The following NAA11 variants were observed in gnomAD, a reference collection of about 807,000 sequenced individuals.
NAA11 encodes N-alpha-acetyltransferase 11, NatA catalytic subunit.
A neutral mutation model predicts 16.1 loss-of-function variants in NAA11; 15 were observed. The observed-to-expected ratio is 0.93, with a 90% CI of 0.62 to 1.44. NAA11 has a LOEUF of 1.44. Among genes scored for constraint, NAA11 ranks in the 40% most tolerant of loss-of-function variants. The probability of loss-of-function intolerance (pLI) is 0.00; values close to 1 mark genes in which losing one functional copy is unlikely to be tolerated. For missense variants in NAA11, 298 were observed against 291.3 expected (o/e 1.02, Z -0.17); for synonymous variants, 122 against 112.4 (o/e 1.09, Z -0.54).
chr4:79,287,689 AAGAGGGAGAGAG>A (rs1722973807), intron 2 of NAA11, among the ~76,000 whole-genome samples: 1 of 151,050 alleles, frequency 6.6e-6, no homozygotes, highest in African/African-American at 2.4e-5. Flanking sequence ...GAGTGAGAGA[AAGAGGGAGAGAG>A]AGAGAGAGAG....
chr4:79,289,886 A>G (rs1723040715), intron 2 of NAA11, among the ~76,000 whole-genome samples: 1 of 152,092 alleles, frequency 6.6e-6, no homozygotes, highest in African/African-American at 2.4e-5. Flanking sequence ...TAGGTCTCTC[A>G]TTTCTCAAAC....
At chr4:79,171,604 A>G in the NAA11 span, among the ~76,000 whole-genome samples, 1 of 152,212 alleles carries the variant, frequency 6.6e-6, no homozygotes, top group African/African-American at 2.4e-5. Context: ...ACAGGTGCTG[A>G]AGCATCTCAT....
At chr4:79,302,930 T>C (rs1478293275) in intron 1 of NAA11, among the ~76,000 whole-genome samples, 3 of 151,808 alleles carry the variant, frequency 2.0e-5, no homozygotes, top group Non-Finnish European at 4.4e-5. Context: ...AATAAAATTC[T>C]ATTTTGTTTG....
At chr4:79,306,867 G>T (rs1354653320) in intron 1 of NAA11, 2 of 152,116 alleles carry the variant, frequency 1.3e-5, no homozygotes, top group South Asian at 4.1e-4. Flanking sequence ...AGCATATTTT[G>T]TTACCTCATC....
downstream of NAA11, among the ~76,000 whole-genome samples, chr4:79,312,630 G>C (rs1723806377): frequency 1.5e-5 from 2 of 131,702 alleles, no homozygotes; most frequent in South Asian, 5.2e-4. Context: ...GGGTGTGACA[G>C]AGAGAGACTC....
At chr4:79,309,187 TAAC>T (rs1031260637) in intron 1 of NAA11, among the ~76,000 whole-genome samples, 6 of 152,244 alleles carry the variant, frequency 3.9e-5, no homozygotes, top group Non-Finnish European at 8.8e-5. Flanking sequence ...CTCGGGCTGT[TAAC>T]TACCAAACTA....
At chr4:79,159,898 C>T in the NAA11 span, among the ~76,000 whole-genome samples, 1 of 151,544 alleles carries the variant, frequency 6.6e-6, no homozygotes, top group Non-Finnish European at 1.5e-5. Context: ...TCTTTTATTG[C>T]CAAATACTAT....
At chr4:79,190,667 T>C in the NAA11 span, among the ~76,000 whole-genome samples, 1 of 152,054 alleles carries the variant, frequency 6.6e-6, no homozygotes, top group Non-Finnish European at 1.5e-5. Flanking sequence ...TTTTTTTAAA[T>C]TTTTTAAGTT....
At chr4:79,212,570 A>C in the NAA11 span, among the ~76,000 whole-genome samples, 1 of 152,040 alleles carries the variant, frequency 6.6e-6, no homozygotes, top group Non-Finnish European at 1.5e-5. Context: ...ATCTTCCTTG[A>C]ACACAGTAGT....
intron 2 of NAA11, among the ~76,000 whole-genome samples, chr4:79,253,554 TGA>T (rs200536439): frequency 1.3e-5 from 2 of 151,126 alleles, no homozygotes; most frequent in African/African-American, 2.4e-5. Context: ...AAAGAAGTGA[TGA>T]GAGAGAGAGA....
chr4:79,311,189 C>A (rs1174956617), intron 1 of NAA11, among the ~76,000 whole-genome samples: 2 of 152,006 alleles, frequency 1.3e-5, no homozygotes, highest in African/African-American at 2.4e-5. Context: ...AAAACTGACC[C>A]AAATGTCTTT....
chr4:79,256,079 C>G (rs986542367), intron 2 of NAA11, among the ~76,000 whole-genome samples: 1 of 152,122 alleles, frequency 6.6e-6, no homozygotes, highest in Non-Finnish European at 1.5e-5. Context: ...GCCCCACCTC[C>G]GGAGTTGAGT....
At chr4:79,200,175 G>C in the NAA11 span, among the ~76,000 whole-genome samples, 2 of 151,796 alleles carry the variant, frequency 1.3e-5, no homozygotes, top group Non-Finnish European at 2.9e-5. Flanking sequence ...TGGGACCTCT[G>C]TGCCTCAGTT....
At chr4:79,220,044 C>T in the NAA11 span, among the ~76,000 whole-genome samples, 1 of 152,182 alleles carries the variant, frequency 6.6e-6, no homozygotes, top group African/African-American at 2.4e-5. Context: ...CCCAAGAAGC[C>T]TAGGAGTAAG....
intron 2 of NAA11, among the ~76,000 whole-genome samples, chr4:79,283,229 A>G (rs1722835240): frequency 6.6e-6 from 1 of 152,080 alleles, no homozygotes; most frequent in South Asian, 2.1e-4. Flanking sequence ...TTCACTGTGA[A>G]GGGTGTAGTA....
At chr4:79,295,157 G>A (rs1053224202) in intron 1 of NAA11, among the ~76,000 whole-genome samples, 1 of 152,192 alleles carries the variant, frequency 6.6e-6, no homozygotes, top group Non-Finnish European at 1.5e-5. Context: ...TCACTGTAAA[G>A]CAAAGAGGCA....
chr4:79,320,130 C>A (rs1724049388), intron 1 of NAA11, among the ~76,000 whole-genome samples: 3 of 152,216 alleles, frequency 2.0e-5, no homozygotes, highest in African/African-American at 7.2e-5. Context: ...ATTCCTGCCT[C>A]AACCAGCATG....
At chr4:79,319,289 T>C (rs1724022309) in intron 1 of NAA11, among the ~76,000 whole-genome samples, 1 of 152,182 alleles carries the variant, frequency 6.6e-6, no homozygotes, top group African/African-American at 2.4e-5. Flanking sequence ...TTCTTAAAGG[T>C]GGGCTATGGA....
chr4:79,187,486 T>C, the NAA11 span, among the ~76,000 whole-genome samples: 1 of 152,220 alleles, frequency 6.6e-6, no homozygotes, highest in Non-Finnish European at 1.5e-5. Flanking sequence ...TCCCATTGAC[T>C]GAGGCTGTTT....
Sources: allele counts gnomAD v4.1 joint callset (sites outside exome capture counted in the v4.1 genomes callset), GRCh38; gene constraint gnomAD v4.1.1; transcripts MANE v1.5; gene names NCBI Gene and HGNC (gene_info 2026-07-23, HGNC 2026-07-21).